Variants in MTREX observed in about 807,000 individuals in gnomAD.
MTREX encodes the protein exosome RNA helicase MTR4.
MTREX carries 76 observed loss-of-function variants against 135.4 expected under a neutral mutation model. That is an observed-to-expected ratio of 0.56 (90% CI 0.47 to 0.68). The LOEUF (loss-of-function observed/expected upper bound fraction) is 0.68, where lower values mean the gene tolerates loss of function less well. MTREX is among the 30% of genes least tolerant of loss of function. The pLI, the probability that MTREX is intolerant of heterozygous loss-of-function variation, is 0.00. For synonymous variants in MTREX, 404 were observed against 401.6 expected, an observed-to-expected ratio of 1.01 and a Z score of -0.07; for missense variants, 920 against 1,262.1, an observed-to-expected ratio of 0.73 and a Z score of 4.11.
At chr5:55,338,817 G>A (rs187151322) in intron 5 of MTREX, among the ~76,000 whole-genome samples, 105 of 108,926 alleles carry the variant, frequency 9.6e-4, no homozygotes, top group Non-Finnish European at 1.5e-3. Flanking sequence ...TTGAGACACA[G>A]TCTCACTCTG....
At chr5:55,331,728 G>C (rs944300094) in intron 5 of MTREX, among the ~76,000 whole-genome samples, 27 of 152,166 alleles carry the variant, frequency 1.8e-4, no homozygotes, top group Non-Finnish European at 3.4e-4. Flanking sequence ...CTACGATCTT[G>C]GTCTGTTCAA....
intron 5 of MTREX, 111 bp from the exon 6 acceptor site, chr5:55,339,899 A>G (rs922345863): frequency 1.5e-6 from 1 of 660,840 alleles, no homozygotes; most frequent in African/African-American, 1.9e-5. Flanking sequence ...TTCAGAGTCC[A>G]TTCAAGATAA....
At chr5:55,333,918 C>T (rs1194723073) in intron 5 of MTREX, among the ~76,000 whole-genome samples, 1 of 151,896 alleles carries the variant, frequency 6.6e-6, no homozygotes, top group African/African-American at 2.4e-5. Flanking sequence ...TCACAATAGC[C>T]AAAAGGTAGA....
intron 24 of MTREX, among the ~76,000 whole-genome samples, 177 bp from the exon 25 acceptor site, chr5:55,415,793 G>A (rs573697666): frequency 3.9e-5 from 6 of 152,220 alleles, no homozygotes; most frequent in South Asian, 4.2e-4. Flanking sequence ...AAGATTGGCC[G>A]TTTAATCACT....
At chr5:55,416,701 C>G (rs981497881) in intron 25 of MTREX, among the ~76,000 whole-genome samples, 1 of 152,072 alleles carries the variant, frequency 6.6e-6, no homozygotes, top group African/African-American at 2.4e-5. Flanking sequence ...AATAAGTAGA[C>G]TGTTTAAACG....
At chr5:55,330,885 G>A (rs1322972794) in intron 5 of MTREX, among the ~76,000 whole-genome samples, 1 of 151,680 alleles carries the variant, frequency 6.6e-6, no homozygotes, top group Non-Finnish European at 1.5e-5. Context: ...TTTATTTTTG[G>A]TGTTTATTCT....
chr5:55,383,077 CCTT>C (rs1306954804), intron 18 of MTREX, among the ~76,000 whole-genome samples: 1 of 152,158 alleles, frequency 6.6e-6, no homozygotes, highest in African/African-American at 2.4e-5. Context: ...ACTGCCTTAA[CCTT>C]AAACAGTTTT....
intron 14 of MTREX, among the ~76,000 whole-genome samples, chr5:55,355,578 G>A (rs538336033): frequency 1.3e-5 from 2 of 152,322 alleles, no homozygotes; most frequent in African/African-American, 4.8e-5. Flanking sequence ...GCTGGACCCT[G>A]GGGCAACCCT....
At position 55,405,603 on chromosome 5, in the gene MTREX, T is replaced by C. The variant is rs376348324; in HGVS notation, c.2645+15T>C. The C allele has an allele frequency of 7.7e-5, 123 of 1,594,814 alleles. No individual in the cohort carries two copies. Among genetic ancestry groups the C allele is most frequent in the Non-Finnish European group, 1.0e-4 (118 of 1,170,834 alleles). ...GAGATAAGCAGGTAAAATCTGGTTA[T>C]TGTTCTAGAAAGTTCATTTTTTTTT... is the stretch of plus-strand genomic sequence containing the variant. On this transcript the variant is annotated intron_variant, in intron 22 of 26. Transcript: ENST00000230640.
At chr5:55,337,639 C>T (rs1378456844) in intron 5 of MTREX, among the ~76,000 whole-genome samples, 1 of 152,040 alleles carries the variant, frequency 6.6e-6, no homozygotes, top group Non-Finnish European at 1.5e-5. Flanking sequence ...CGTGATTTTC[C>T]ATATACTTAG....
At chr5:55,374,151 A>G (rs1485479760) in intron 16 of MTREX, among the ~76,000 whole-genome samples, 3 of 151,948 alleles carry the variant, frequency 2.0e-5, no homozygotes, top group Non-Finnish European at 4.4e-5. Flanking sequence ...CCAGTTACTC[A>G]GAAGGCTGAG....
rs1333933463 is a variant in MTREX at position 55,424,821 on chromosome 5, TTACAGTTGACTAC to T, written c.*50_*62del. 1 of 1,365,106 alleles carries T rather than the reference TTACAGTTGACTAC, an allele frequency of 7.3e-7. No individual in the cohort carries two copies. The highest frequency in any genetic ancestry group is 1.0e-6 in the Non-Finnish European group (1 of 954,646). The allele number at this position is 1,365,106 out of a possible 1,614,324, so 84.6% of individuals were successfully genotyped here. ...TTTAAATTATTGACCACCTGTTTGA[TTACAGTTGACTAC>T]AAATGCCTGCAAGTGTGGATTTGGT... On this transcript the variant is annotated 3_prime_UTR_variant, in exon 27 of 27. Transcript: ENST00000230640.
chr5:55,422,247 A>G (rs796842976), intron 25 of MTREX, among the ~76,000 whole-genome samples: 7 of 152,180 alleles, frequency 4.6e-5, no homozygotes, highest in African/African-American at 1.7e-4. Context: ...TGATACAAAC[A>G]CTTTTCTCAA....
chr5:55,314,484 A>G (rs1280143471), intron 1 of MTREX, among the ~76,000 whole-genome samples: 1 of 152,206 alleles, frequency 6.6e-6, no homozygotes, highest in Non-Finnish European at 1.5e-5. Context: ...CCAGAAAGAC[A>G]GCAACATTAG....
chr5:55,365,015 G>A (rs964728221), intron 15 of MTREX, among the ~76,000 whole-genome samples: 1 of 152,190 alleles, frequency 6.6e-6, no homozygotes, highest in South Asian at 2.1e-4. Context: ...GTGTAAGTTG[G>A]AACTATGCTG....
intron 15 of MTREX, among the ~76,000 whole-genome samples, chr5:55,361,551 T>C (rs1184678914): frequency 6.6e-6 from 1 of 152,182 alleles, no homozygotes; most frequent in East Asian, 1.9e-4. Flanking sequence ...ACTTGGTCAC[T>C]GCAAGTGATT....
chr5:55,326,134 C>G (rs1468620490), intron 3 of MTREX, among the ~76,000 whole-genome samples: 1 of 152,080 alleles, frequency 6.6e-6, no homozygotes, highest in African/African-American at 2.4e-5. Flanking sequence ...CAGTGGCTCA[C>G]GTCTATAATC....
chr5:55,318,596 A>G (rs990879342), intron 1 of MTREX, among the ~76,000 whole-genome samples: 5 of 152,212 alleles, frequency 3.3e-5, no homozygotes, highest in African/African-American at 9.6e-5. Flanking sequence ...GAAGGAAACA[A>G]CAGACACTGG....
At chr5:55,353,477 A>T (rs1169351133) in intron 14 of MTREX, among the ~76,000 whole-genome samples, 1 of 152,138 alleles carries the variant, frequency 6.6e-6, no homozygotes, top group African/African-American at 2.4e-5. Flanking sequence ...CCAAGGTGGG[A>T]GGATGATTTA....
Sources: allele counts gnomAD v4.1 joint callset (sites outside exome capture counted in the v4.1 genomes callset), GRCh38; gene constraint gnomAD v4.1.1; transcripts MANE v1.5; gene names NCBI Gene and HGNC (gene_info 2026-07-23, HGNC 2026-07-21).